THSD7A: variants seen among roughly 807,000 people sequenced by gnomAD.
THSD7A encodes thrombospondin type 1 domain containing 7A, also known as thrombospondin type-1 domain-containing protein 7A.
A neutral mutation model predicts 231.3 loss-of-function variants in THSD7A; 96 were observed. That is an observed-to-expected ratio of 0.41 (90% CI 0.35 to 0.49). THSD7A has a LOEUF of 0.49. Among genes scored for constraint, THSD7A ranks in the 20% least tolerant of loss-of-function variants. The pLI is 0.05. For synonymous variants in THSD7A, 940 were observed against 743.3 expected (o/e 1.26, Z -4.30); for missense variants, 2,290 against 2,070.2 (o/e 1.11, Z -2.06).
chr7:11,618,756 A>C (rs922958367), intron 2 of THSD7A, among the ~76,000 whole-genome samples: 2 of 151,902 alleles, frequency 1.3e-5, no homozygotes, highest in African/African-American at 2.4e-5. Context: ...CCAACACTGC[A>C]CAGGAGCCTG....
intron 6 of THSD7A, among the ~76,000 whole-genome samples, chr7:11,483,920 C>T (rs187013843): frequency 6.6e-6 from 1 of 152,100 alleles, no homozygotes; most frequent in Admixed American, 6.5e-5. Context: ...GCTTGCCTAG[C>T]GTAAGTAATG....
chr7:11,505,555 C>T (rs1562665716), intron 6 of THSD7A, among the ~76,000 whole-genome samples: 1 of 151,616 alleles, frequency 6.6e-6, no homozygotes, highest in Admixed American at 6.6e-5. Flanking sequence ...ATAGAAACAT[C>T]TAAATTAAAA....
intron 4 of THSD7A, among the ~76,000 whole-genome samples, chr7:11,549,055 G>GA (rs539817051): frequency 1.3e-4 from 20 of 151,208 alleles, no homozygotes; most frequent in South Asian, 8.4e-4. Flanking sequence ...AAATTTAAAA[G>GA]AAAAAAAACC....
intron 11 of THSD7A, among the ~76,000 whole-genome samples, chr7:11,460,381 A>G (rs892719178): frequency 6.6e-6 from 1 of 152,180 alleles, no homozygotes. Flanking sequence ...CAAACAAAAA[A>G]GCTTCAGTGT....
At chr7:11,825,806 C>A (rs752584289) in intron 1 of THSD7A, among the ~76,000 whole-genome samples, 6 of 152,150 alleles carry the variant, frequency 3.9e-5, no homozygotes, top group Non-Finnish European at 7.4e-5. Flanking sequence ...AACGCTGACG[C>A]TCATGCTCTG....
At chr7:11,698,536 C>A (rs1341252725) in intron 1 of THSD7A, among the ~76,000 whole-genome samples, 2 of 151,400 alleles carry the variant, frequency 1.3e-5, no homozygotes, top group Non-Finnish European at 3.0e-5. Flanking sequence ...ACTTCCCCAA[C>A]TGGGCCTACA....
intron 1 of THSD7A, among the ~76,000 whole-genome samples, chr7:11,789,792 T>G (rs963218924): frequency 6.6e-5 from 10 of 151,988 alleles, no homozygotes; most frequent in Admixed American, 4.6e-4. Flanking sequence ...GATGCTCCTT[T>G]AAATCATCAT....
chr7:11,775,765 G>T (rs921169571), intron 1 of THSD7A, among the ~76,000 whole-genome samples: 1 of 152,064 alleles, frequency 6.6e-6, no homozygotes, highest in Non-Finnish European at 1.5e-5. Context: ...GGATGGTGTT[G>T]CACAACAATG....
chr7:11,459,633 G>C (rs1304511728), intron 11 of THSD7A, among the ~76,000 whole-genome samples: 1 of 118,710 alleles, frequency 8.4e-6, no homozygotes, highest in East Asian at 2.8e-4. Flanking sequence ...TCCAGAAGAA[G>C]ACTTCTAAAA....
rs541483918 is a variant in THSD7A at position 11,812,764 on chromosome 7, C to A, written c.190+18993G>T. Among the ~76,000 whole-genome samples, 7 of 152,262 alleles carry A rather than the reference C, an allele frequency of 4.6e-5. No homozygotes were observed. The East Asian group carries it at 1.4e-3, about 29-fold the overall frequency. On this transcript the variant is annotated intron_variant, in intron 1 of 27. Coordinates refer to ENST00000423059, the MANE Select transcript of THSD7A (RefSeq NM_015204.3). ...TCTTCAATCAAAATATTGAAGCATACTTTAAAGGACTTTATAGAAAATTTC... is the reference window on the plus strand; with the variant it reads ...TCTTCAATCAAAATATTGAAGCATAATTTAAAGGACTTTATAGAAAATTTC...
intron 6 of THSD7A, among the ~76,000 whole-genome samples, chr7:11,526,238 T>G (rs1157068372): frequency 3.9e-5 from 6 of 152,198 alleles, no homozygotes; most frequent in African/African-American, 1.4e-4. Context: ...GCCCAACTAT[T>G]TGCAGCTTCC....
At chr7:11,534,300 C>T (rs965453889) in intron 6 of THSD7A, among the ~76,000 whole-genome samples, 3 of 152,174 alleles carry the variant, frequency 2.0e-5, no homozygotes, top group Non-Finnish European at 4.4e-5. Flanking sequence ...TCTGGATTGT[C>T]ACTTGTGACT....
intron 1 of THSD7A, among the ~76,000 whole-genome samples, chr7:11,747,044 G>A (rs370295346): frequency 2.6e-5 from 4 of 151,754 alleles, no homozygotes; most frequent in African/African-American, 9.7e-5. Context: ...ATCAATTACC[G>A]ACCTCTTTAG....
intron 1 of THSD7A, chr7:11,820,425 G>T (rs1784839272): frequency 1.5e-6 from 2 of 1,324,132 alleles, no homozygotes; most frequent in Non-Finnish European, 2.0e-6. Context: ...GGGCCCACTT[G>T]GGGCTGGTGC....
intron 2 of THSD7A, among the ~76,000 whole-genome samples, chr7:11,614,072 G>A (rs1781025348): frequency 6.6e-6 from 1 of 152,142 alleles, no homozygotes; most frequent in Non-Finnish European, 1.5e-5. Context: ...TGCCAACTGG[G>A]AAATAATTAG....
chr7:11,402,055 A>C, intron 22 of THSD7A, 87 bp from the exon 23 acceptor site: 2 of 1,093,568 alleles, frequency 1.8e-6, no homozygotes, highest in Non-Finnish European at 2.7e-6. Flanking sequence ...CCAGTAGGCA[A>C]TGTTTCTGGT....
chr7:11,392,125 T>C (rs1303694551), intron 23 of THSD7A, among the ~76,000 whole-genome samples: 1 of 152,022 alleles, frequency 6.6e-6, no homozygotes, highest in African/African-American at 2.4e-5. Flanking sequence ...ATAGGAACAG[T>C]GCCAGCCTGC....
At chr7:11,737,680 T>C (rs944206914) in intron 1 of THSD7A, among the ~76,000 whole-genome samples, 4 of 152,058 alleles carry the variant, frequency 2.6e-5, no homozygotes, top group Non-Finnish European at 4.4e-5. Flanking sequence ...GAGCAAGTTC[T>C]AGAAATTTTG....
chr7:11,553,312 T>C (rs186942206), intron 4 of THSD7A, among the ~76,000 whole-genome samples: 1 of 152,236 alleles, frequency 6.6e-6, no homozygotes, highest in African/African-American at 2.4e-5. Flanking sequence ...ATTTTCATTA[T>C]AGGTTTTCTT....
Sources: gnomAD v4.1 joint callset for allele counts (sites outside exome capture counted in the v4.1 genomes callset) on GRCh38, gnomAD v4.1.1 for gene constraint, MANE v1.5 for transcripts, NCBI Gene and HGNC (gene_info 2026-07-23, HGNC 2026-07-21) for gene names.